CCDC80: variants seen among roughly 807,000 people sequenced by gnomAD.
CCDC80 encodes coiled-coil domain containing 80.
In CCDC80, 49 loss-of-function variants were observed where a neutral mutation model predicts 78.7. The observed-to-expected ratio is 0.62, with a 90% confidence interval of 0.50 to 0.79. The LOEUF (loss-of-function observed/expected upper bound fraction) is 0.79. CCDC80 is among the 30% of genes least tolerant of loss of function. CCDC80 has a pLI of 0.00. For missense variants in CCDC80, 1,205 were observed against 1,198.6 expected, an observed-to-expected ratio of 1.01 and a Z score of -0.08; for synonymous variants, 488 against 447.0, an observed-to-expected ratio of 1.09 and a Z score of -1.16.
intron 3 of CCDC80, among the ~76,000 whole-genome samples, chr3:112,619,971 C>A (rs939451060): frequency 5.3e-5 from 8 of 152,106 alleles, no homozygotes; most frequent in Non-Finnish European, 7.4e-5. Flanking sequence ...GCAAAATAAT[C>A]CCCTATATTA....
intron 3 of CCDC80, among the ~76,000 whole-genome samples, chr3:112,628,520 A>G (rs1415585679): frequency 2.0e-5 from 3 of 152,308 alleles, no homozygotes; most frequent in East Asian, 1.9e-4. Flanking sequence ...GCATTTCTGT[A>G]TACTATCTTA....
At chr3:112,625,953 C>T (rs1433438744) in intron 3 of CCDC80, among the ~76,000 whole-genome samples, 1 of 152,152 alleles carries the variant, frequency 6.6e-6, no homozygotes, top group Non-Finnish European at 1.5e-5. Flanking sequence ...TTCAAGGTCC[C>T]TCCATTAAAT....
chr3:112,606,549 C>T (rs957751861), intron 7 of CCDC80, among the ~76,000 whole-genome samples: 13 of 152,202 alleles, frequency 8.5e-5, no homozygotes, highest in Admixed American at 2.6e-4. Flanking sequence ...CCTCAGCCTC[C>T]CAGGTAGCTG....
At chr3:112,622,911 A>G (rs940274963) in intron 3 of CCDC80, among the ~76,000 whole-genome samples, 1 of 150,412 alleles carries the variant, frequency 6.6e-6, no homozygotes, top group African/African-American at 2.5e-5. Context: ...CTTGACCTCA[A>G]GTGATTCACC....
At chr3:112,613,743 T>C (rs1046006234) in intron 5 of CCDC80, among the ~76,000 whole-genome samples, 2 of 152,138 alleles carry the variant, frequency 1.3e-5, no homozygotes, top group Admixed American at 6.5e-5. Flanking sequence ...GTCTGCTTTA[T>C]AGGGTGGGCA....
At chr3:112,612,146 G>C (rs545772019) in intron 5 of CCDC80, among the ~76,000 whole-genome samples, 13 of 151,476 alleles carry the variant, frequency 8.6e-5, no homozygotes, top group Admixed American at 6.6e-4. Flanking sequence ...GAGCCTCTGA[G>C]ACTGTCCAAG....
In CCDC80 at chr3:112,639,289, T is replaced by C; in HGVS notation, c.617A>G (p.Glu206Gly). 3 of 1,614,162 alleles carry C rather than the reference T, an allele frequency of 1.9e-6. No homozygotes were observed. Among genetic ancestry groups the C allele is most frequent in the Non-Finnish European group, 1.7e-6 (2 of 1,180,032 alleles). ...CAGGGGCTGCTCCAGGATCTGGCCCTCGCTGGTGATCCTTCTCACCTTGCC... is the reference window on the plus strand; with the variant it reads ...CAGGGGCTGCTCCAGGATCTGGCCCCCGCTGGTGATCCTTCTCACCTTGCC... ...EGGKVRRITS[E>G]GQILEQPLDP... The change falls in exon 2 of 8, where the codon GAG becomes GGG. Residue 206 changes from glutamate to glycine, a missense_variant. By Grantham distance (98) the Glu-to-Gly change is moderately conservative. Transcript: ENST00000206423.
chr3:112,615,172 T>C (rs1221335573), intron 5 of CCDC80, among the ~76,000 whole-genome samples: 1 of 152,194 alleles, frequency 6.6e-6, no homozygotes, highest in Non-Finnish European at 1.5e-5. Context: ...GTAAGTTCTG[T>C]ACCCTTTATA....
intron 3 of CCDC80, among the ~76,000 whole-genome samples, chr3:112,623,344 G>A (rs372877745): frequency 5.3e-5 from 8 of 152,198 alleles, no homozygotes; most frequent in African/African-American, 1.9e-4. Context: ...TACGCTTAAA[G>A]CTTCCATCTG....
At chr3:112,637,653 A>T (rs1407256911) in intron 2 of CCDC80, among the ~76,000 whole-genome samples, 1 of 152,162 alleles carries the variant, frequency 6.6e-6, no homozygotes, top group African/African-American at 2.4e-5. Context: ...CTTTCTTTTC[A>T]TCCTTTGGAC....
At chr3:112,624,959 A>C (rs1935936528) in intron 3 of CCDC80, among the ~76,000 whole-genome samples, 2 of 152,178 alleles carry the variant, frequency 1.3e-5, no homozygotes, top group African/African-American at 2.4e-5. Flanking sequence ...ATTTTAAAAT[A>C]TAGATTCCTG....
At chr3:112,615,253 A>G (rs562411665) in intron 5 of CCDC80, among the ~76,000 whole-genome samples, 4 of 152,286 alleles carry the variant, frequency 2.6e-5, no homozygotes, top group African/African-American at 9.6e-5. Context: ...CCACTTACTA[A>G]TCATATCCTT....
chr3:112,612,189 G>A (rs1196954703), intron 5 of CCDC80, among the ~76,000 whole-genome samples: 2 of 152,020 alleles, frequency 1.3e-5, no homozygotes, highest in Non-Finnish European at 2.9e-5. Flanking sequence ...AACTGCTGTC[G>A]GATCACAAAC....
intron 3 of CCDC80, among the ~76,000 whole-genome samples, chr3:112,621,698 T>A (rs1045531068): frequency 2.6e-5 from 4 of 152,188 alleles, no homozygotes; most frequent in Non-Finnish European, 5.9e-5. Flanking sequence ...CCTTCACAAC[T>A]AAGGTTGCTG....
intron 5 of CCDC80, among the ~76,000 whole-genome samples, chr3:112,611,331 G>T (rs952765564): frequency 6.6e-6 from 1 of 152,220 alleles, no homozygotes; most frequent in Non-Finnish European, 1.5e-5. Flanking sequence ...AGAGGATTAT[G>T]TCTTAATCTG....
intron 3 of CCDC80, among the ~76,000 whole-genome samples, chr3:112,625,101 G>A (rs1028378933): frequency 1.3e-5 from 2 of 152,082 alleles, no homozygotes; most frequent in South Asian, 4.1e-4. Flanking sequence ...AGAAAAATGG[G>A]CAAAGAACAC....
At chr3:112,636,675 A>G (rs74583385) in intron 2 of CCDC80, among the ~76,000 whole-genome samples, 5,425 of 152,134 alleles carry the variant, frequency 0.036, 326 homozygotes, top group African/African-American at 0.12. Flanking sequence ...GGAAAACCTA[A>G]AAGATCCTCT....
chr3:112,605,970 T>C (rs559398844), intron 7 of CCDC80, among the ~76,000 whole-genome samples: 1 of 152,356 alleles, frequency 6.6e-6, no homozygotes, highest in East Asian at 1.9e-4. Flanking sequence ...AGGGTCAAAC[T>C]TTGGGGCACT....
Position 112,616,794 on chromosome 3 carries a change from C to T in CCDC80, c.2237G>A (p.Arg746Gln), listed in dbSNP as rs756967937. The T allele has an allele frequency of 1.9e-5, 31 of 1,614,108 alleles. 1 individual carries two copies. The South Asian group carries it at 2.2e-4, about 11-fold the overall frequency. Residue 746 changes from arginine to glutamine, a missense_variant, in exon 5 of 8, where the codon CGA (arginine) becomes CAA (glutamine). By Grantham distance (43) the Arg-to-Gln change is conservative (BLOSUM62 1). Coordinates refer to ENST00000206423, the MANE Select transcript of CCDC80 (RefSeq NM_199511.3). The stretch of plus-strand genomic sequence containing the variant: ...CTTCTGCTTCTCCATATCTTTGATT[C>T]GGGACTGGAAAGTATCGATCAGATC... Reference protein sequence around the residue: ...VFDLIDTFQSRIKDMEKQKKE... With the variant: ...VFDLIDTFQSQIKDMEKQKKE...
Sources: gnomAD v4.1 joint callset for allele counts (sites outside exome capture counted in the v4.1 genomes callset) on GRCh38, gnomAD v4.1.1 for gene constraint, MANE v1.5 for transcripts, NCBI Gene and HGNC (gene_info 2026-07-23, HGNC 2026-07-21) for gene names.